The following USP7 variants were observed in gnomAD, a reference collection of about 807,000 sequenced individuals.
The protein encoded by USP7 is ubiquitin specific peptidase 7.
In USP7, 9 loss-of-function variants were observed where a neutral mutation model predicts 162.9. The observed-to-expected ratio is 0.06, with a 90% confidence interval of 0.03 to 0.10. The LOEUF is 0.10. Among genes scored for constraint, USP7 ranks in the 10% least tolerant of loss-of-function variants. The pLI, the probability that USP7 is intolerant of heterozygous loss-of-function variation, is 1.00. For missense variants in USP7, 715 were observed against 1,373.7 expected (o/e 0.52, Z 7.58); for synonymous variants, 562 against 475.9 (o/e 1.18, Z -2.35).
intron 1 of USP7, among the ~76,000 whole-genome samples, chr16:8,940,200 T>A (rs1898971313): frequency 6.6e-6 from 1 of 152,210 alleles, no homozygotes; most frequent in Non-Finnish European, 1.5e-5. Context: ...TCCTGCTGCC[T>A]ATCTACGCAT....
intron 1 of USP7, among the ~76,000 whole-genome samples, chr16:8,937,723 AT>A (rs1898830763): frequency 6.6e-6 from 1 of 152,182 alleles, no homozygotes; most frequent in Admixed American, 6.6e-5. Context: ...AAATGTCAGC[AT>A]TATGCACCTA....
chr16:8,915,559 T>C (rs1291233119), intron 8 of USP7, 34 bp from the exon 9 acceptor site: 8 of 1,588,306 alleles, frequency 5.0e-6, no homozygotes, highest in Non-Finnish European at 6.0e-6. Context: ...AAAAAAACTT[T>C]TTTGTACTTA....
At chr16:8,895,585 TGCA>T (rs2061668669) in intron 27 of USP7, 54 bp downstream of exon 27, 9 of 1,350,776 alleles carry the variant, frequency 6.7e-6, no homozygotes, top group Non-Finnish European at 9.5e-6. Flanking sequence ...TATTTAAATA[TGCA>T]GCAGATGGGG....
intron 6 of USP7, among the ~76,000 whole-genome samples, chr16:8,918,782 C>G (rs1387002818): frequency 6.6e-6 from 1 of 152,184 alleles, no homozygotes; most frequent in African/African-American, 2.4e-5. Flanking sequence ...GCACTCCAGC[C>G]TGGGCGACAG....
intron 1 of USP7, among the ~76,000 whole-genome samples, chr16:8,941,129 G>GC (rs1194079951): frequency 2.0e-5 from 3 of 149,212 alleles, no homozygotes; most frequent in Non-Finnish European, 4.5e-5. Flanking sequence ...TGGGGCCCAT[G>GC]CCCCATGCCC....
At chr16:8,894,488 C>T in intron 30 of USP7, 62 bp downstream of exon 30, 1 of 1,566,024 alleles carries the variant, frequency 6.4e-7, no homozygotes, top group Non-Finnish European at 8.7e-7. Flanking sequence ...CCTCCCAGCC[C>T]CAGACCACTT....
intron 2 of USP7, among the ~76,000 whole-genome samples, chr16:8,927,785 G>A (rs1221488509): frequency 6.6e-6 from 1 of 152,230 alleles, no homozygotes; most frequent in African/African-American, 2.4e-5. Context: ...GCAGTGAGCT[G>A]AGATCTTGCC....
chr16:8,926,822 T>C (rs1898030071), intron 2 of USP7, among the ~76,000 whole-genome samples: 2 of 152,178 alleles, frequency 1.3e-5, no homozygotes, highest in Non-Finnish European at 1.5e-5. Flanking sequence ...AGCAACAAAC[T>C]TCTACAAACT....
chr16:8,963,112 TA>T, intron 1 of USP7, 94 bp downstream of exon 1: 1 of 1,161,534 alleles, frequency 8.6e-7, no homozygotes, highest in Non-Finnish European at 1.1e-6. Flanking sequence ...GGGGCCTGGT[TA>T]AAGATGGCGA....
intron 11 of USP7, among the ~76,000 whole-genome samples, chr16:8,910,297 G>A (rs963513427): frequency 6.6e-6 from 1 of 152,034 alleles, no homozygotes; most frequent in Non-Finnish European, 1.5e-5. Context: ...AGAAACCTGG[G>A]GGACACAACC....
At chr16:8,928,618 C>A (rs924277171) in intron 2 of USP7, among the ~76,000 whole-genome samples, 1 of 152,170 alleles carries the variant, frequency 6.6e-6, no homozygotes, top group Admixed American at 6.5e-5. Context: ...ACCTCCCTCC[C>A]ACGCACTTTG....
intron 2 of USP7, among the ~76,000 whole-genome samples, chr16:8,923,877 C>G (rs1364360180): frequency 1.3e-5 from 2 of 152,190 alleles, no homozygotes; most frequent in Non-Finnish European, 2.9e-5. Flanking sequence ...GGGAAACAGC[C>G]ATTCCCCTGG....
intron 5 of USP7, 70 bp from the exon 6 acceptor site, chr16:8,919,209 A>G (rs1041961220): frequency 4.1e-5 from 62 of 1,510,320 alleles, no homozygotes; most frequent in Non-Finnish European, 5.3e-5. Flanking sequence ...GTGTGAAGCA[A>G]TCTGACTCAA....
intron 6 of USP7, among the ~76,000 whole-genome samples, chr16:8,918,113 C>A (rs779526720): frequency 3.9e-5 from 6 of 152,132 alleles, no homozygotes; most frequent in Non-Finnish European, 7.3e-5. Flanking sequence ...TCTTAACTTA[C>A]CATTACTTGT....
Position 8,902,104 on chromosome 16 carries a change from G to A in USP7, c.2025C>T (p.Thr675=), listed in dbSNP as rs2061784284. ...TACGATCTTTATCAAACTTGGGTAA[G>A]GTCGCTCCACTAGCAGCCAGCTCGG... ...VDPELAASGA[T]LPKFDKDHDV... The change falls in exon 18 of 31, where the codon ACC becomes ACT. Residue 675 remains threonine (T), a synonymous_variant. Coordinates refer to ENST00000344836, the MANE Select transcript of USP7 (RefSeq NM_003470.3). The A allele has an allele frequency of 6.2e-7, 1 of 1,614,096 alleles. No individual in the cohort carries two copies. The highest frequency in any genetic ancestry group is 1.3e-5 in the African/African-American group (1 of 74,920).
At chr16:8,929,225 C>G in intron 2 of USP7, 2 of 332,356 alleles carry the variant, frequency 6.0e-6, no homozygotes, top group Non-Finnish European at 1.2e-5. Context: ...CTCACTCAAC[C>G]GCTTTCGGCA....
At chr16:8,904,660 T>C in intron 14 of USP7, 95 bp from the exon 15 acceptor site, 1 of 1,525,616 alleles carries the variant, frequency 6.6e-7, no homozygotes, top group Admixed American at 2.0e-5. Flanking sequence ...AATAATCTAT[T>C]AGGCCGGCGT....
intron 24 of USP7, 36 bp downstream of exon 24, chr16:8,898,495 T>C: frequency 6.2e-7 from 1 of 1,605,846 alleles, no homozygotes; most frequent in Non-Finnish European, 8.5e-7. Context: ...GAGCCTTCTC[T>C]TTATGACCCA....
chr16:8,907,097 C>A (rs2061872548), intron 12 of USP7, among the ~76,000 whole-genome samples: 1 of 152,198 alleles, frequency 6.6e-6, no homozygotes, highest in African/African-American at 2.4e-5. Flanking sequence ...ATGCACCCGG[C>A]CTGCGAAGCA....
Sources: gnomAD v4.1 joint callset for allele counts (sites outside exome capture counted in the v4.1 genomes callset) on GRCh38, gnomAD v4.1.1 for gene constraint, MANE v1.5 for transcripts, NCBI Gene and HGNC (gene_info 2026-07-23, HGNC 2026-07-21) for gene names.